Variants in VEGFB observed in about 807,000 individuals in gnomAD.
VEGFB encodes VEGF-related factor.
A neutral mutation model predicts 22.5 loss-of-function variants in VEGFB; 24 were observed. The observed-to-expected ratio is 1.07, with a 90% CI of 0.77 to 1.50. The LOEUF (loss-of-function observed/expected upper bound fraction) is 1.50. Ranked by LOEUF, VEGFB falls within the 40% of genes most tolerant of loss-of-function variation. The pLI is 0.00. For synonymous variants in VEGFB, 141 were observed against 117.4 expected (o/e 1.20, Z -1.30); for missense variants, 327 against 287.8 (o/e 1.14, Z -0.99).
chr11:64,238,364 A>G lies in VEGFB; in HGVS notation c.*31A>G. 6.5e-7 allele frequency: 1 copy of G among 1,536,160 alleles called. No homozygotes were observed. Among genetic ancestry groups the G allele is most frequent in the Non-Finnish European group, 8.7e-7 (1 of 1,146,868 alleles). On this transcript the variant is annotated 3_prime_UTR_variant, in exon 7 of 7. Coordinates refer to ENST00000309422, the MANE Select transcript of VEGFB (RefSeq NM_003377.5). ...ACTTCCTCCCTCCTCAGGTGCCGGA[A>G]GCTGCGAAGGTGACACATGGCTTTT...
At position 64,235,447 on chromosome 11, in the gene VEGFB, C is replaced by G; in HGVS notation, c.61-11C>G. On this transcript the variant is annotated splice_polypyrimidine_tract_variant and intron_variant, in intron 1 of 6. Transcript: ENST00000309422. Reference sequence around the variant, plus strand: ...AGTGTACCTTGGGTACAGGTCTTTTCTCTCCCACAGGCCCCTGTCTCCCAG... The same window carrying G: ...AGTGTACCTTGGGTACAGGTCTTTTGTCTCCCACAGGCCCCTGTCTCCCAG... The G allele has an allele frequency of 6.2e-7, 1 of 1,613,822 alleles. No homozygotes were observed. The highest frequency in any genetic ancestry group is 1.3e-5 in the African/African-American group (1 of 75,058).
chr11:64,235,455 C>G lies in VEGFB; in HGVS notation c.61-3C>G. 1 of 1,613,836 alleles carries G rather than the reference C, an allele frequency of 6.2e-7. No homozygotes were observed. ...TTGGGTACAGGTCTTTTCTCTCCCA[C>G]AGGCCCCTGTCTCCCAGCCTGATGC... On this transcript the variant is annotated splice_region_variant and splice_polypyrimidine_tract_variant and intron_variant, in intron 1 of 6. Transcript: ENST00000309422.
At chr11:64,237,366 G>A (rs1449843371) in intron 5 of VEGFB, 54 bp from the exon 6 acceptor site, 3 of 1,539,084 alleles carry the variant, frequency 1.9e-6, no homozygotes, top group East Asian at 2.3e-5. Context: ...CCCGACCCCA[G>A]CTCTAGGGAA....
chr11:64,236,974 T>C (rs1383541219), intron 4 of VEGFB, among the ~76,000 whole-genome samples: 2 of 147,322 alleles, frequency 1.4e-5, no homozygotes, highest in East Asian at 2.1e-4. Flanking sequence ...TCCCAGCTAC[T>C]TGGGAGGCTG....
chr11:64,237,121 G>GACAGAC lies in VEGFB; in HGVS notation c.375-65_375-64insCAGACA. On this transcript the variant is annotated intron_variant, in intron 4 of 6. Coordinates refer to ENST00000309422, the MANE Select transcript of VEGFB (RefSeq NM_003377.5). ...AGAGAGAGAGAGAGAGAGAGAGAGA[G>GACAGAC]AGTAGGATGCTGGGATTTCCTGATC... The GACAGAC allele has an allele frequency of 2.4e-5, 15 of 625,542 alleles. 1 individual carries two copies. Among genetic ancestry groups the GACAGAC allele is most frequent in the East Asian group, 2.3e-4 (4 of 17,548 alleles). 38.7% of individuals were successfully genotyped at this position (625,542 alleles called of 1,614,324 possible). A position where few individuals can be genotyped will look rare whatever the true frequency, so the allele number is the denominator to read the frequency against.
Position 64,235,976 on chromosome 11 carries a change from TGTGCCCACTGGGCAGCACCAA to T in VEGFB, c.270_290del (p.Pro91_Val97del), listed in dbSNP as rs1286928742. The T allele has an allele frequency of 1.2e-6, 2 of 1,606,092 alleles. No homozygotes were observed. The highest frequency in any genetic ancestry group is 3.4e-5 in the Admixed American group (2 of 58,610). ...GCTGCCCTGACGATGGCCTGGAGTGTGTGCCCACTGGGCAGCACCAAGTCCGGATGCAGGTACTGGGCAGGT... is the reference window on the plus strand; with the variant it reads ...GCTGCCCTGACGATGGCCTGGAGTGTGTCCGGATGCAGGTACTGGGCAGGT... On this transcript the variant is annotated inframe_deletion, in exon 3 of 7. Transcript: ENST00000309422.
intron 5 of VEGFB, 95 bp downstream of exon 5, chr11:64,237,317 T>C: frequency 6.7e-7 from 1 of 1,501,984 alleles, no homozygotes; most frequent in Non-Finnish European, 9.2e-7. Context: ...CGTCCCCCAC[T>C]TTCCCTTTTC....
intron 1 of VEGFB, 133 bp downstream of exon 1, chr11:64,235,026 G>C: frequency 1.4e-6 from 1 of 733,188 alleles, no homozygotes; most frequent in Non-Finnish European, 1.9e-6. Flanking sequence ...CGTCTCGGGG[G>C]CCCGGCGCGT....
chr11:64,235,249 A>G (rs997232891), intron 1 of VEGFB, among the ~76,000 whole-genome samples: 3 of 152,216 alleles, frequency 2.0e-5, no homozygotes, highest in African/African-American at 7.2e-5. Flanking sequence ...CGGCCACCAG[A>G]GCACCTGTTG....
intron 2 of VEGFB, 96 bp downstream of exon 2, chr11:64,235,596 A>AC: frequency 7.2e-7 from 1 of 1,383,980 alleles, no homozygotes; most frequent in Non-Finnish European, 1.0e-6. Flanking sequence ...CTCCCCTAGA[A>AC]GATTCAAACT....
Position 64,237,666 on chromosome 11 carries a change from T to C in VEGFB, c.*22+11T>C. 2.0e-6 allele frequency: 3 copies of C among 1,507,630 alleles called. No individual in the cohort carries two copies. Among genetic ancestry groups the C allele is most frequent in the Non-Finnish European group, 1.8e-6 (2 of 1,124,004 alleles). 93.4% of individuals were successfully genotyped at this position (1,507,630 alleles called of 1,614,324 possible). On this transcript the variant is annotated intron_variant, in intron 6 of 6. Coordinates refer to ENST00000309422, the MANE Select transcript of VEGFB (RefSeq NM_003377.5). ...CCCAGACACCTGCAGGTGAGGCGTCTGTGGGGTGGTGTTTGTTTGGGAAGG... is the reference window on the plus strand; with the variant it reads ...CCCAGACACCTGCAGGTGAGGCGTCCGTGGGGTGGTGTTTGTTTGGGAAGG...
rs2030191360 is a variant in VEGFB, at chr11:64,237,493, C to T, written c.484C>T (p.Pro162Ser). ...GGACTCTGCCCCCGGAGCACCCTCC[C>T]CAGCTGACATCACCCATCCCACTCC... Reference protein sequence around the residue: ...GWDSAPGAPSPADITHPTPAP... With the variant: ...GWDSAPGAPSSADITHPTPAP... Residue 162 changes from proline to serine, a missense_variant, in exon 6 of 7, where the codon CCA (proline) becomes TCA (serine). Pro to Ser is a moderately conservative substitution (Grantham distance 74). Coordinates refer to ENST00000309422, the MANE Select transcript of VEGFB (RefSeq NM_003377.5). 6.2e-7 allele frequency: 1 copy of T among 1,612,612 alleles called. No individual in the cohort carries two copies. Among genetic ancestry groups the T allele is most frequent in the Non-Finnish European group, 8.5e-7 (1 of 1,179,900 alleles).
Position 64,235,831 on chromosome 11 carries a change from T to C in VEGFB, c.122T>C (p.Val41Ala), listed in dbSNP as rs1456174484. The C allele has an allele frequency of 6.2e-7, 1 of 1,613,914 alleles. No homozygotes were observed. Among genetic ancestry groups the C allele is most frequent in the Non-Finnish European group, 8.5e-7 (1 of 1,180,008 alleles). The change falls in exon 3 of 7, where the codon GTG becomes GCG. Residue 41 changes from valine (V) to alanine (A), a missense_variant. Coordinates refer to ENST00000309422, the MANE Select transcript of VEGFB (RefSeq NM_003377.5). The part of the protein sequence containing the change: ...HQRKVVSWID[V>A]YTRATCQPRE... ...CTCCCAGTGGTGTCATGGATAGATG[T>C]GTATACTCGCGCTACCTGCCAGCCC...
At position 64,234,806 on chromosome 11, in the gene VEGFB, C is replaced by G. The variant is rs1947228762; in HGVS notation, c.-28C>G. 1 of 1,121,068 alleles carries G rather than the reference C, an allele frequency of 8.9e-7. No homozygotes were observed. Among genetic ancestry groups the G allele is most frequent in the Non-Finnish European group, 1.1e-6 (1 of 916,592 alleles). 69.4% of individuals were successfully genotyped at this position (1,121,068 alleles called of 1,614,324 possible). A position where few individuals can be genotyped will look rare whatever the true frequency, so the allele number is the denominator to read the frequency against. On this transcript the variant is annotated 5_prime_UTR_variant, in exon 1 of 7. Transcript: ENST00000309422. The surrounding 1 kb of genome is among the most constrained non-coding windows in gnomAD (Gnocchi z 5.3). Reference sequence around the variant, plus strand: ...CCGCCGGGCTAGGGCGATGCGGGCGCCCCCGGCGGGCGGCCCCGGCGGGCA... The same window carrying G: ...CCGCCGGGCTAGGGCGATGCGGGCGGCCCCGGCGGGCGGCCCCGGCGGGCA...
At position 64,234,958 on chromosome 11, in the gene VEGFB, A is replaced by G; in HGVS notation, c.60+65A>G. 1 of 1,232,398 alleles carries G rather than the reference A, an allele frequency of 8.1e-7. No homozygotes were observed. Among genetic ancestry groups the G allele is most frequent in the South Asian group, 2.8e-5 (1 of 36,280 alleles). The allele number at this position is 1,232,398 out of a possible 1,614,324, so 76.3% of individuals were successfully genotyped here. On this transcript the variant is annotated intron_variant, in intron 1 of 6. Transcript: ENST00000309422. The surrounding 1 kb of genome is among the most constrained non-coding windows in gnomAD (Gnocchi z 5.3). The stretch of plus-strand genomic sequence containing the variant: ...CCCTCTCTCAAGGTTGGCGGAAGTG[A>G]GGAGGCGACCCGCGGCCTCGGCCGA...
rs765879865 is a variant in VEGFB, at chr11:64,235,839, C to T, written c.130C>T (p.Arg44Cys). Residue 44 changes from arginine (R) to cysteine (C), a missense_variant, in exon 3 of 7, where the codon CGC (arginine) becomes TGC (cysteine). By Grantham distance (180) the Arg-to-Cys change is radical. Coordinates refer to ENST00000309422, the MANE Select transcript of VEGFB (RefSeq NM_003377.5). ...GGTGTCATGGATAGATGTGTATACT[C>T]GCGCTACCTGCCAGCCCCGGGAGGT... ...KVVSWIDVYT[R>C]ATCQPREVVV... 19 of 1,613,860 alleles carry T rather than the reference C, an allele frequency of 1.2e-5. No homozygotes were observed. Among genetic ancestry groups the T allele is most frequent in the East Asian group, 6.7e-5 (3 of 44,902 alleles).
At position 64,237,385 on chromosome 11, in the gene VEGFB, C is replaced by T. The variant is rs147124595; in HGVS notation, c.411-35C>T. The stretch of plus-strand genomic sequence containing the variant: ...ACCCCAGCTCTAGGGAAGACTCTTC[C>T]TTCCCACCCCAGACATGTCGCTTCT... On this transcript the variant is annotated intron_variant, in intron 5 of 6. Coordinates refer to ENST00000309422, the MANE Select transcript of VEGFB (RefSeq NM_003377.5). The T allele has an allele frequency of 5.8e-6, 9 of 1,559,226 alleles. No homozygotes were observed. In the African/African-American group the frequency reaches 1.2e-4, roughly 21 times the overall value.
Position 64,237,174 on chromosome 11 carries a change from T to C in VEGFB, c.375-13T>C. ...CCTCTTGTTTGTCTGTGTCTGTCTA[T>C]CTTACTTTTCAGACCTAAAAAAAAG... On this transcript the variant is annotated splice_polypyrimidine_tract_variant and intron_variant, in intron 4 of 6. Transcript: ENST00000309422. 1 of 1,600,002 alleles carries C rather than the reference T, an allele frequency of 6.2e-7. No individual in the cohort carries two copies. Among genetic ancestry groups the C allele is most frequent in the Non-Finnish European group, 8.5e-7 (1 of 1,171,628 alleles).
Position 64,235,507 on chromosome 11 carries a change from C to T in VEGFB, c.103+7C>T. Reference sequence around the variant, plus strand: ...CCTGGCCACCAGAGGAAAGGTAATACTTACAAAAACTCGGCACTAGCCAGC... The same window carrying T: ...CCTGGCCACCAGAGGAAAGGTAATATTTACAAAAACTCGGCACTAGCCAGC... On this transcript the variant is annotated splice_region_variant and intron_variant, in intron 2 of 6. Coordinates refer to ENST00000309422, the MANE Select transcript of VEGFB (RefSeq NM_003377.5). 1.9e-6 allele frequency: 3 copies of T among 1,613,818 alleles called. No homozygotes were observed. The highest frequency in any genetic ancestry group is 2.5e-6 in the Non-Finnish European group (3 of 1,179,930).
Sources: allele counts gnomAD v4.1 joint callset (sites outside exome capture counted in the v4.1 genomes callset), GRCh38; gene constraint gnomAD v4.1.1; non-coding constraint Gnocchi (gnomAD v3.1); transcripts MANE v1.5; gene names NCBI Gene and HGNC (gene_info 2026-07-23, HGNC 2026-07-21).